GRAMD1A: variants seen among roughly 807,000 people sequenced by gnomAD.
GRAMD1A encodes the protein GRAM domain containing 1A, also known as protein Aster-A.
A neutral mutation model predicts 92.0 loss-of-function variants in GRAMD1A; 50 were observed. The ratio of observed to expected loss-of-function variants is 0.54; its 90% CI spans 0.43 to 0.69. GRAMD1A has a LOEUF of 0.69. Ranked by LOEUF, GRAMD1A falls within the 30% of genes least tolerant of loss-of-function variation. The probability of loss-of-function intolerance (pLI) is 0.00; values close to 1 mark genes in which losing one functional copy is unlikely to be tolerated. For synonymous variants in GRAMD1A, 405 were observed against 403.6 expected (o/e 1.00, Z -0.04); for missense variants, 819 against 978.9 (o/e 0.84, Z 2.18).
rs182346287 is a variant in GRAMD1A, at chr19:35,004,691, G to A, written c.8+4205G>A. Reference sequence around the variant, plus strand: ...GTCATGGAGGCGCCTAACATCAGGCGTAGTGCTTGTGAGGTCCCTGTCAGG... The same window carrying A: ...GTCATGGAGGCGCCTAACATCAGGCATAGTGCTTGTGAGGTCCCTGTCAGG... On this transcript the variant is annotated intron_variant, in intron 1 of 19. Coordinates refer to ENST00000317991, the MANE Select transcript of GRAMD1A (RefSeq NM_020895.5). 4.9e-3 allele frequency among the ~76,000 whole-genome samples: 748 copies of A among 152,210 alleles called. 10 individuals are homozygous for A. The highest frequency in any genetic ancestry group is 0.02 in the Admixed American group (312 of 15,290).
chr19:35,022,710 A>G (rs903551769), intron 16 of GRAMD1A, among the ~76,000 whole-genome samples, 190 bp from the exon 17 acceptor site: 13 of 102,868 alleles, frequency 1.3e-4, no homozygotes, highest in African/African-American at 5.2e-4. Context: ...CCCGGGGTTG[A>G]GCAGACCCTG....
At chr19:35,003,465 C>T (rs910219333) in intron 1 of GRAMD1A, among the ~76,000 whole-genome samples, 1 of 152,124 alleles carries the variant, frequency 6.6e-6, no homozygotes, top group South Asian at 2.1e-4. Context: ...GTTGGGCAGC[C>T]GCAGGGTCCG....
At chr19:35,014,503 C>A in intron 10 of GRAMD1A, 116 bp downstream of exon 10, 1 of 839,982 alleles carries the variant, frequency 1.2e-6, no homozygotes, top group Non-Finnish European at 2.0e-6. Context: ...GGCGGGATGG[C>A]GTTCAGGCGC....
intron 1 of GRAMD1A, among the ~76,000 whole-genome samples, chr19:35,007,447 A>G (rs2014903783): frequency 6.6e-6 from 1 of 152,204 alleles, no homozygotes; most frequent in African/African-American, 2.4e-5. Context: ...GATCCCAGCT[A>G]CTGGGGAGGC....
chr19:34,996,729 C>G (rs2014051780), upstream of GRAMD1A, among the ~76,000 whole-genome samples: 1 of 150,856 alleles, frequency 6.6e-6, no homozygotes, highest in African/African-American at 2.4e-5. Flanking sequence ...TTGCTTGAAC[C>G]TGGTAGGCGG....
chr19:34,996,246 G>A (rs1382440937), upstream of GRAMD1A: 11 of 1,535,284 alleles, frequency 7.2e-6, no homozygotes, highest in Middle Eastern at 1.7e-4. Flanking sequence ...CCCCGACGCC[G>A]GCAGCAGCAG....
At position 35,013,406 on chromosome 19, in the gene GRAMD1A, G is replaced by C. The variant is rs1490327179; in HGVS notation, c.719+38G>C. 1 of 1,508,944 alleles carries C rather than the reference G, an allele frequency of 6.6e-7. No individual in the cohort carries two copies. The highest frequency in any genetic ancestry group is 1.2e-5 in the South Asian group (1 of 86,274). The allele number at this position is 1,508,944 out of a possible 1,614,324, so 93.5% of individuals were successfully genotyped here. ...TCAAAGGAGGTTGAAGGGTTCGGGG[G>C]AGAACAGGACGGTCGGCGTGCAGAG... On this transcript the variant is annotated intron_variant, in intron 8 of 19. Transcript: ENST00000317991. The surrounding 1 kb of genome is among the most constrained non-coding windows in gnomAD (Gnocchi z 4.9).
At chr19:35,001,422 T>C (rs1175010599) in intron 1 of GRAMD1A, among the ~76,000 whole-genome samples, 2 of 152,190 alleles carry the variant, frequency 1.3e-5, no homozygotes, top group African/African-American at 4.8e-5. Context: ...GTAGCAGCTC[T>C]GATCCTTCTT....
chr19:35,006,680 G>C (rs1032676226), intron 1 of GRAMD1A, among the ~76,000 whole-genome samples: 2 of 152,188 alleles, frequency 1.3e-5, no homozygotes, highest in South Asian at 4.2e-4. Context: ...TCCAGCCAGC[G>C]TGCAGATTAT....
rs778542766 is a variant in GRAMD1A at position 35,010,331 on chromosome 19, G to C, written c.477G>C (p.Thr159=). ...KEVTCLKKEK[T]AKLIPNAIQI... Reference sequence around the variant, plus strand: ...TGACATGTCTGAAGAAGGAAAAGACGGCCAAGCTGATCCCCAACGCCATCC... The same window carrying C: ...TGACATGTCTGAAGAAGGAAAAGACCGCCAAGCTGATCCCCAACGCCATCC... The change falls in exon 6 of 20, where the codon ACG becomes ACC. Residue 159 remains threonine, a synonymous_variant. Coordinates refer to ENST00000317991, the MANE Select transcript of GRAMD1A (RefSeq NM_020895.5). 7 of 1,613,992 alleles carry C rather than the reference G, an allele frequency of 4.3e-6. No homozygotes were observed. In the South Asian group the frequency reaches 6.6e-5, roughly 15 times the overall value.
At chr19:35,023,638 C>T (rs375886673) in intron 19 of GRAMD1A, 91 bp downstream of exon 19, 21 of 1,240,490 alleles carry the variant, frequency 1.7e-5, no homozygotes, top group East Asian at 1.0e-4. Flanking sequence ...TTCCCCTCTC[C>T]GGATCTCAGT....
intron 19 of GRAMD1A, among the ~76,000 whole-genome samples, chr19:35,025,767 G>A (rs1476127073): frequency 6.6e-6 from 1 of 152,124 alleles, no homozygotes; most frequent in Non-Finnish European, 1.5e-5. Context: ...GCTCAGGGTG[G>A]TTACGGGACT....
At chr19:35,011,076 TG>T (rs1207017358) in intron 6 of GRAMD1A, among the ~76,000 whole-genome samples, 86 of 123,004 alleles carry the variant, frequency 7.0e-4, no homozygotes, top group African/African-American at 2.8e-3. Flanking sequence ...CACTCCAGCC[TG>T]GGTGACAAAG....
At chr19:35,016,028 G>T in intron 11 of GRAMD1A, 61 bp downstream of exon 11, 1 of 1,564,800 alleles carries the variant, frequency 6.4e-7, no homozygotes, top group Non-Finnish European at 8.7e-7. Flanking sequence ...GGTGAGGAAG[G>T]GTAGCCCAGG....
rs1330776728 is a variant in GRAMD1A at position 35,009,210 on chromosome 19, G to C, written c.100G>C (p.Glu34Gln). ...QLLPPSRPPP[E>Q]PEPGTMVEKG... ...CCTGCCCCCAAGCCGGCCCCCACCTGAGCCAGAACCAGGCACCATGGTGGA... is the reference window on the plus strand; with the variant it reads ...CCTGCCCCCAAGCCGGCCCCCACCTCAGCCAGAACCAGGCACCATGGTGGA... Residue 34 changes from glutamate to glutamine, a missense_variant, in exon 2 of 20, where the codon GAG becomes CAG. By Grantham distance (29) the Glu-to-Gln change is conservative. Coordinates refer to ENST00000317991, the MANE Select transcript of GRAMD1A (RefSeq NM_020895.5). The C allele has an allele frequency of 6.2e-7, 1 of 1,613,744 alleles. No homozygotes were observed. The highest frequency in any genetic ancestry group is 2.2e-5 in the East Asian group (1 of 44,866).
upstream of GRAMD1A, chr19:35,000,064 G>GGGCTCCCCAACCTGCGGGCAGGC: frequency 1.0e-6 from 1 of 986,294 alleles, no homozygotes; most frequent in South Asian, 4.7e-5. This position sits in a 1 kb window ranked among gnomAD's most constrained non-coding sequence, Gnocchi z 4.9. Flanking sequence ...CTAGGGGAGG[G>GGGCTCCCCAACCTGCGGGCAGGC]GGCTCCCCAA....
intron 5 of GRAMD1A, 32 bp downstream of exon 5, chr19:35,010,227 G>C (rs572279113): frequency 6.3e-7 from 1 of 1,590,146 alleles, no homozygotes; most frequent in Non-Finnish European, 8.6e-7. Context: ...GTACAGGGGC[G>C]GGGGCCCCCA....
At chr19:34,997,388 C>CAAAAAAAAAAAAAAAAAAAAAA (rs540666102), upstream of GRAMD1A, among the ~76,000 whole-genome samples, 1 of 113,252 alleles carries the variant, frequency 8.8e-6, no homozygotes, top group East Asian at 2.6e-4. Flanking sequence ...GCCAAAAAAA[C>CAAAAAAAAAAAAAAAAAAAAAA]AAAAAAAAAA....
intron 10 of GRAMD1A, 138 bp downstream of exon 10, chr19:35,014,525 ATC>A (rs1449899796): frequency 1.4e-6 from 1 of 722,480 alleles, no homozygotes; most frequent in Non-Finnish European, 2.4e-6. Flanking sequence ...GTTGCTAGAA[ATC>A]TCTGTCTTTA....
Sources: allele counts gnomAD v4.1 joint callset (sites outside exome capture counted in the v4.1 genomes callset), GRCh38; gene constraint gnomAD v4.1.1; non-coding constraint Gnocchi (gnomAD v3.1); transcripts MANE v1.5; gene names NCBI Gene and HGNC (gene_info 2026-07-23, HGNC 2026-07-21).